HNF1B: variants seen among roughly 807,000 people sequenced by gnomAD.
HNF1B encodes the protein hepatocyte nuclear factor 1-beta.
Under a neutral mutation model 61.7 loss-of-function variants are expected in HNF1B, and 8 were observed. The observed-to-expected ratio is 0.13, with a 90% CI of 0.08 to 0.23. The LOEUF (loss-of-function observed/expected upper bound fraction) is 0.23, where lower values mean the gene tolerates loss of function less well. Ranked by LOEUF, HNF1B falls within the 10% of genes least tolerant of loss-of-function variation. The pLI is 1.00. For synonymous variants in HNF1B, 314 were observed against 287.7 expected, an observed-to-expected ratio of 1.09 and a Z score of -0.93; for missense variants, 562 against 714.5, an observed-to-expected ratio of 0.79 and a Z score of 2.43.
rs1025261798 is a variant in HNF1B, at chr17:37,704,987, G to T, written c.1269C>A (p.Ser423=). ...TTTGAGATTGCTGGGGATTATGGTG[G>T]GAGAGGCTGTGGATATTCGTCAAGG... The part of the protein sequence containing the change: ...VSTLTNIHSL[S]HHNPQQSQNL... Residue 423 remains serine (S), a synonymous_variant, in exon 6 of 9, where the codon TCC becomes TCA. Coordinates refer to ENST00000617811, the MANE Select transcript of HNF1B (RefSeq NM_000458.4). The T allele has an allele frequency of 1.5e-5, 24 of 1,613,948 alleles. No individual in the cohort carries two copies. The highest frequency in any genetic ancestry group is 2.0e-5 in the Non-Finnish European group (24 of 1,179,874).
intron 4 of HNF1B, chr17:37,720,676 T>C: frequency 2.3e-6 from 1 of 443,002 alleles, no homozygotes; most frequent in Non-Finnish European, 3.0e-6. Flanking sequence ...ATATATGGAG[T>C]GTCTACCATG....
intron 2 of HNF1B, among the ~76,000 whole-genome samples, chr17:37,737,599 G>A (rs535571936): frequency 7.2e-5 from 11 of 152,002 alleles, no homozygotes; most frequent in Admixed American, 1.3e-4. Context: ...AGGCTGAGGC[G>A]GCGGATCACG....
At chr17:37,702,380 G>T (rs1055775599) in intron 6 of HNF1B, among the ~76,000 whole-genome samples, 5 of 152,178 alleles carry the variant, frequency 3.3e-5, no homozygotes, top group Non-Finnish European at 7.4e-5. Flanking sequence ...AGAAAGGACA[G>T]GGGATGAATC....
At chr17:37,731,328 GAGA>G in intron 4 of HNF1B, 4 of 600,188 alleles carry the variant, frequency 6.7e-6, no homozygotes, top group South Asian at 1.9e-5. Context: ...GCCACACAGG[GAGA>G]AGAAGAGGGA....
chr17:37,723,607 C>G (rs376631431), intron 4 of HNF1B, among the ~76,000 whole-genome samples: 28 of 152,240 alleles, frequency 1.8e-4, no homozygotes, highest in Admixed American at 2.6e-4. Context: ...GCCTCATACC[C>G]AATGTGCTGC....
chr17:37,727,757 G>A (rs1472943080), intron 4 of HNF1B, among the ~76,000 whole-genome samples: 3 of 152,160 alleles, frequency 2.0e-5, no homozygotes, highest in Non-Finnish European at 4.4e-5. Context: ...AAGCATGGCT[G>A]GGAGGGAAGG....
In HNF1B at chr17:37,745,040, A is replaced by G. The variant is rs2147601586; in HGVS notation, c.-156T>C. 1.5e-6 allele frequency: 1 copy of G among 651,130 alleles called. No individual in the cohort carries two copies. The highest frequency in any genetic ancestry group is 2.7e-5 in the East Asian group (1 of 36,660). The allele number at this position is 651,130 out of a possible 1,614,324, so 40.3% of individuals were successfully genotyped here. A position where few individuals can be genotyped will look rare whatever the true frequency, so the allele number is the denominator to read the frequency against. On this transcript the variant is annotated 5_prime_UTR_variant, in exon 1 of 9. Coordinates refer to ENST00000617811, the MANE Select transcript of HNF1B (RefSeq NM_000458.4). ...CCCCGGGGTCCCGGAGGCTCCTCCGAAAGGAGTCAGAAAACTTCTAACTTG... is the reference window on the plus strand; with the variant it reads ...CCCCGGGGTCCCGGAGGCTCCTCCGGAAGGAGTCAGAAAACTTCTAACTTG...
chr17:37,709,274 C>T (rs1186220204), intron 5 of HNF1B, among the ~76,000 whole-genome samples: 2 of 152,034 alleles, frequency 1.3e-5, no homozygotes, highest in African/African-American at 4.8e-5. Context: ...TTTTTTGAGA[C>T]ACCCGAGTCT....
chr17:37,740,712 C>T (rs1045541833), intron 1 of HNF1B, among the ~76,000 whole-genome samples: 40 of 151,524 alleles, frequency 2.6e-4, no homozygotes, highest in Admixed American at 2.4e-3. Flanking sequence ...ACTTCAATTT[C>T]GGACATTAAC....
intron 4 of HNF1B, among the ~76,000 whole-genome samples, chr17:37,724,564 G>GA (rs947036852): frequency 2.0e-4 from 31 of 152,170 alleles, no homozygotes; most frequent in Middle Eastern, 3.4e-3. Flanking sequence ...AAACAGTTGA[G>GA]AAAAAATCAA....
chr17:37,700,967 A>T lies in HNF1B; in HGVS notation c.1534+16T>A. 2 of 1,552,432 alleles carry T rather than the reference A, an allele frequency of 1.3e-6. No individual in the cohort carries two copies. The highest frequency in any genetic ancestry group is 1.7e-6 in the Non-Finnish European group (2 of 1,148,380). On this transcript the variant is annotated intron_variant, in intron 7 of 8. Transcript: ENST00000617811. ...GGTCCTGAGTGCTCCCTCCCTCCAC[A>T]TGCCCGTGTCCTTACTGTGTGAGTT...
intron 6 of HNF1B, among the ~76,000 whole-genome samples, chr17:37,701,863 A>C (rs1174756284): frequency 2.0e-5 from 3 of 152,210 alleles, no homozygotes; most frequent in African/African-American, 7.2e-5. Context: ...AGGAAGTAGT[A>C]CATTAAAGGT....
chr17:37,726,136 C>CTGTGTGTGTGTGTGTGTG (rs60311199), intron 4 of HNF1B, among the ~76,000 whole-genome samples: 19 of 150,454 alleles, frequency 1.3e-4, no homozygotes, highest in African/African-American at 2.9e-4. Flanking sequence ...CTGCTGGGGG[C>CTGTGTGTGTGTGTGTGTG]TGTGTGTGTG....
rs2031994237 is a variant in HNF1B, at chr17:37,687,072, G to A, written c.*300C>T. On this transcript the variant is annotated 3_prime_UTR_variant, in exon 9 of 9. Transcript: ENST00000617811. Reference sequence around the variant, plus strand: ...TCGATGAAGGATCACAACATAGACAGTACGGCTTTCTTGCTTCCTCTTCGG... The same window carrying A: ...TCGATGAAGGATCACAACATAGACAATACGGCTTTCTTGCTTCCTCTTCGG... The A allele has an allele frequency of 1.7e-6, 1 of 600,834 alleles. No individual in the cohort carries two copies. The highest frequency in any genetic ancestry group is 1.9e-5 in the African/African-American group (1 of 53,886). 37.2% of individuals were successfully genotyped at this position (600,834 alleles called of 1,614,324 possible).
intron 4 of HNF1B, among the ~76,000 whole-genome samples, chr17:37,721,999 C>T (rs2033334970): frequency 6.6e-6 from 1 of 152,066 alleles, no homozygotes; most frequent in South Asian, 2.1e-4. Context: ...GCCTGTGAAC[C>T]CCTCATCTCT....
chr17:37,691,201 G>A lies in HNF1B; in HGVS notation c.1654-3809C>T, dbSNP rs2032190699. Among the ~76,000 whole-genome samples the A allele has an allele frequency of 2.0e-5, 3 of 152,212 alleles. No individual in the cohort carries two copies. In the South Asian group the frequency reaches 6.2e-4, roughly 32 times the overall value. ...GTGAGCTGGACACAGTGAGGCGTGA[G>A]GATAAAGGCCAGTCTGCAGTGATCT... On this transcript the variant is annotated intron_variant, in intron 8 of 8. Transcript: ENST00000617811.
intron 1 of HNF1B, among the ~76,000 whole-genome samples, chr17:37,740,541 T>C (rs1411083287): frequency 1.3e-5 from 2 of 152,108 alleles, no homozygotes; most frequent in Non-Finnish European, 2.9e-5. Context: ...AGCCAAATAG[T>C]AAATAATTTT....
At chr17:37,722,406 A>AT (rs1359401122) in intron 4 of HNF1B, among the ~76,000 whole-genome samples, 1 of 152,196 alleles carries the variant, frequency 6.6e-6, no homozygotes. Flanking sequence ...AGAGAAGCTA[A>AT]TAACTTAAGG....
chr17:37,726,906 C>T (rs560644566), intron 4 of HNF1B, among the ~76,000 whole-genome samples: 2 of 152,224 alleles, frequency 1.3e-5, no homozygotes, highest in South Asian at 4.2e-4. Context: ...TCAAAGGTGA[C>T]ACAAGAGTGA....
Sources: gnomAD v4.1 joint callset for allele counts (sites outside exome capture counted in the v4.1 genomes callset) on GRCh38, gnomAD v4.1.1 for gene constraint, MANE v1.5 for transcripts, NCBI Gene and HGNC (gene_info 2026-07-23, HGNC 2026-07-21) for gene names.